PCLO: variants seen among roughly 807,000 people sequenced by gnomAD.
PCLO encodes the protein piccolo presynaptic cytomatrix protein.
Under a neutral mutation model 427.5 loss-of-function variants are expected in PCLO, and 82 were observed. The ratio of observed to expected loss-of-function variants is 0.19; its 90% CI spans 0.16 to 0.23. The LOEUF is 0.23. Ranked by LOEUF, PCLO falls within the 10% of genes least tolerant of loss-of-function variation. The pLI, the probability that PCLO is intolerant of heterozygous loss-of-function variation, is 1.00. For synonymous variants in PCLO, 2,357 were observed against 2,155.4 expected (o/e 1.09, Z -2.59); for missense variants, 6,239 against 6,115.9 (o/e 1.02, Z -0.67).
chr7:82,771,941 A>G (rs1431280097), intron 22 of PCLO, among the ~76,000 whole-genome samples: 1 of 152,040 alleles, frequency 6.6e-6, no homozygotes, highest in Non-Finnish European at 1.5e-5. Context: ...ATGAAGGCAT[A>G]CTTTTTTTTT....
At chr7:82,940,867 A>G (rs2116381107) in intron 6 of PCLO, among the ~76,000 whole-genome samples, 1 of 142,390 alleles carries the variant, frequency 7.0e-6, no homozygotes, top group Non-Finnish European at 1.5e-5. Flanking sequence ...GGTTCATGCC[A>G]TTCTCCTGTC....
intron 22 of PCLO, among the ~76,000 whole-genome samples, chr7:82,796,987 G>A (rs951619516): frequency 8.6e-5 from 13 of 151,760 alleles, no homozygotes; most frequent in African/African-American, 3.2e-4. Context: ...AGACAGCAAG[G>A]TCACATATTT....
intron 3 of PCLO, among the ~76,000 whole-genome samples, chr7:82,989,227 T>C: frequency 6.6e-6 from 1 of 152,138 alleles, no homozygotes; most frequent in East Asian, 1.9e-4. Context: ...ATAGTTGTTT[T>C]TTCTGCTTTA....
Position 82,879,421 on chromosome 7 carries a change from G to C in PCLO, c.13570C>G (p.Pro4524Ala). Residue 4524 changes from proline (P) to alanine (A), a missense_variant, in exon 10 of 25, where the codon CCG becomes GCG. Transcript: ENST00000333891. ...GCTCCAATTTCTCCACTATGTCCCGGGATTTCTTTACCACCCACAATTCTA... is the reference window on the plus strand; with the variant it reads ...GCTCCAATTTCTCCACTATGTCCCGCGATTTCTTTACCACCCACAATTCTA... ...GIRIVGGKEIPGHSGEIGAYI... is the reference protein window; with the variant it reads ...GIRIVGGKEIAGHSGEIGAYI... The C allele has an allele frequency of 6.2e-7, 1 of 1,607,652 alleles. No individual in the cohort carries two copies.
At chr7:82,932,981 AC>A (rs1438685214) in intron 6 of PCLO, among the ~76,000 whole-genome samples, 1 of 151,976 alleles carries the variant, frequency 6.6e-6, no homozygotes, top group Admixed American at 6.6e-5. Flanking sequence ...TATGTTTTTG[AC>A]AGTCCCTTTA....
chr7:82,840,325 C>T lies in PCLO; in HGVS notation c.14097+1134G>A, dbSNP rs138971479. ...TCTGCACATTTTCTCCATTTCCACG[C>T]TCACACTCCACTTCTGCTTTGTAGT... is the stretch of plus-strand genomic sequence containing the variant. On this transcript the variant is annotated intron_variant, in intron 14 of 24. Coordinates refer to ENST00000333891, the MANE Select transcript of PCLO (RefSeq NM_033026.6). Among the ~76,000 whole-genome samples the T allele has an allele frequency of 1.6e-4, 24 of 152,112 alleles. No homozygotes were observed. In the East Asian group the frequency reaches 3.5e-3, roughly 22 times the overall value.
rs1398100452 is a variant in PCLO at position 83,088,622 on chromosome 7, TTCA to T, written c.3300+45625_3300+45627del. On this transcript the variant is annotated intron_variant, in intron 3 of 24. Transcript: ENST00000333891. ...CATTACTCTGCAAGCCCCTCACTGA[TTCA>T]TCATTTTTCTTCCACATTGAATGCG... Among the ~76,000 whole-genome samples, 14 of 152,280 alleles carry T rather than the reference TTCA, an allele frequency of 9.2e-5. No homozygotes were observed. In the East Asian group the frequency reaches 2.5e-3, roughly 27 times the overall value.
intron 3 of PCLO, among the ~76,000 whole-genome samples, chr7:83,052,143 A>C (rs1022463880): frequency 9.9e-5 from 15 of 152,046 alleles, no homozygotes; most frequent in African/African-American, 3.4e-4. Context: ...TTTTAAATAT[A>C]ACACCCAAAG....
Position 83,016,044 on chromosome 7 carries a change from C to T in PCLO, c.3301-49557G>A, listed in dbSNP as rs373010839. The stretch of plus-strand genomic sequence containing the variant: ...CCAGCTCCTGAATTGTTTTCATGAA[C>T]GTGCACAGCCTGGGTAGAAAATCAA... On this transcript the variant is annotated intron_variant, in intron 3 of 24. Transcript: ENST00000333891. Among the ~76,000 whole-genome samples, 10 of 152,132 alleles carry T rather than the reference C, an allele frequency of 6.6e-5. No individual in the cohort carries two copies. The East Asian group carries it at 9.7e-4, about 15-fold the overall frequency.
intron 6 of PCLO, among the ~76,000 whole-genome samples, chr7:82,927,390 T>C (rs1440433874): frequency 6.6e-6 from 1 of 152,214 alleles, no homozygotes; most frequent in African/African-American, 2.4e-5. Flanking sequence ...TCTTACTCTT[T>C]CCTAGAACAA....
chr7:82,769,451 A>G (rs571208924), intron 22 of PCLO, among the ~76,000 whole-genome samples: 1 of 152,124 alleles, frequency 6.6e-6, no homozygotes, highest in Non-Finnish European at 1.5e-5. Flanking sequence ...CTTTTTTATT[A>G]CATTATTGGT....
chr7:82,856,769 A>G (rs1792817798), intron 10 of PCLO, among the ~76,000 whole-genome samples: 1 of 152,170 alleles, frequency 6.6e-6, no homozygotes, highest in Non-Finnish European at 1.5e-5. Flanking sequence ...ATATTAACAG[A>G]TTAATACTGG....
chr7:82,932,902 T>A (rs1562865959), intron 6 of PCLO, among the ~76,000 whole-genome samples: 1 of 152,108 alleles, frequency 6.6e-6, no homozygotes, highest in African/African-American at 2.4e-5. Flanking sequence ...AAAACTAATA[T>A]GCTCATTGGC....
chr7:82,857,157 G>C (rs995961962), intron 10 of PCLO, among the ~76,000 whole-genome samples: 3 of 152,090 alleles, frequency 2.0e-5, no homozygotes, highest in African/African-American at 7.2e-5. Context: ...TTCTCTCATA[G>C]TAGCAGAAAA....
intron 3 of PCLO, among the ~76,000 whole-genome samples, chr7:82,982,690 A>C (rs2115786033): frequency 6.6e-6 from 1 of 152,220 alleles, no homozygotes; most frequent in Non-Finnish European, 1.5e-5. Flanking sequence ...CTGGCTATTT[A>C]GCATTAAGAC....
chr7:83,097,864 C>T (rs1305827165), intron 3 of PCLO, among the ~76,000 whole-genome samples: 1 of 151,906 alleles, frequency 6.6e-6, no homozygotes, highest in African/African-American at 2.4e-5. Flanking sequence ...CTTCACTATA[C>T]ATACTATATA....
chr7:82,914,606 C>T (rs1353861005), intron 7 of PCLO, 80 bp downstream of exon 7: 1 of 1,384,340 alleles, frequency 7.2e-7, no homozygotes, highest in South Asian at 1.2e-5. Context: ...GGATACATCT[C>T]TGGAGAAGGG....
chr7:83,097,541 T>A (rs919837308), intron 3 of PCLO, among the ~76,000 whole-genome samples: 29 of 146,010 alleles, frequency 2.0e-4, no homozygotes, highest in African/African-American at 5.1e-4. Context: ...TATATATATA[T>A]AATATATAAA....
chr7:83,084,502 A>G (rs1349562806), intron 3 of PCLO, among the ~76,000 whole-genome samples: 1 of 152,138 alleles, frequency 6.6e-6, no homozygotes, highest in Admixed American at 6.6e-5. Flanking sequence ...GCATGCTGAT[A>G]CTAAAAATTA....
Sources: allele counts gnomAD v4.1 joint callset (sites outside exome capture counted in the v4.1 genomes callset), GRCh38; gene constraint gnomAD v4.1.1; transcripts MANE v1.5; gene names NCBI Gene and HGNC (gene_info 2026-07-23, HGNC 2026-07-21).